The following DTWD2 variants were observed in gnomAD, a reference collection of about 807,000 sequenced individuals.
DTWD2 encodes the protein tRNA-uridine aminocarboxypropyltransferase 2.
Under a neutral mutation model 31.8 loss-of-function variants are expected in DTWD2, and 39 were observed. The ratio of observed to expected loss-of-function variants is 1.22; its 90% CI spans 0.95 to 1.60. The LOEUF (loss-of-function observed/expected upper bound fraction) is 1.60, where lower values mean the gene tolerates loss of function less well. DTWD2 is among the 40% of genes most tolerant of loss of function. The probability of loss-of-function intolerance (pLI) is 0.00; values close to 1 mark genes in which losing one functional copy is unlikely to be tolerated. For missense variants in DTWD2, 515 were observed against 381.5 expected, an observed-to-expected ratio of 1.35 and a Z score of -2.92; for synonymous variants, 180 against 142.8, an observed-to-expected ratio of 1.26 and a Z score of -1.86.
At chr5:118,898,065 G>A (rs955579684) in intron 4 of DTWD2, among the ~76,000 whole-genome samples, 16 of 151,470 alleles carry the variant, frequency 1.1e-4, no homozygotes, top group Admixed American at 3.3e-4. Context: ...GGTTTTTGCC[G>A]TGTTGCCCAG....
At chr5:118,865,032 AAC>A (rs1191903530) in intron 4 of DTWD2, among the ~76,000 whole-genome samples, 1 of 151,924 alleles carries the variant, frequency 6.6e-6, no homozygotes, top group Non-Finnish European at 1.5e-5. Context: ...CACACACACA[AAC>A]ACACACACAG....
At chr5:118,967,633 T>C (rs529486165) in intron 1 of DTWD2, among the ~76,000 whole-genome samples, 49 of 152,134 alleles carry the variant, frequency 3.2e-4, no homozygotes, top group Admixed American at 1.1e-3. Flanking sequence ...AAAAATAGTA[T>C]TGGATTATAA....
chr5:118,855,257 A>T (rs1752104792), intron 4 of DTWD2, among the ~76,000 whole-genome samples: 1 of 144,850 alleles, frequency 6.9e-6, no homozygotes, highest in African/African-American at 2.5e-5. Flanking sequence ...TTTTACCGCA[A>T]CTTCTTGTAA....
intron 1 of DTWD2, among the ~76,000 whole-genome samples, chr5:118,970,910 A>C (rs1215389752): frequency 6.6e-6 from 1 of 152,172 alleles, no homozygotes; most frequent in African/African-American, 2.4e-5. Context: ...AGGGAGAAAT[A>C]AGATCCTTTT....
intron 1 of DTWD2, chr5:118,974,223 T>G: frequency 8.9e-7 from 1 of 1,122,596 alleles, no homozygotes; most frequent in Non-Finnish European, 1.3e-6. Flanking sequence ...CACCTTCGAG[T>G]AGAGAGGCCC....
At chr5:118,866,424 AC>A (rs1752382184) in intron 4 of DTWD2, among the ~76,000 whole-genome samples, 1 of 152,220 alleles carries the variant, frequency 6.6e-6, no homozygotes, top group Admixed American at 6.5e-5. Flanking sequence ...TCATAATAAC[AC>A]TGATGCAAAA....
intron 2 of DTWD2, among the ~76,000 whole-genome samples, chr5:118,942,868 T>C (rs1580425807): frequency 6.6e-6 from 1 of 151,798 alleles, no homozygotes; most frequent in African/African-American, 2.4e-5. Context: ...AATGTCACAA[T>C]CATAGCTCAT....
intron 4 of DTWD2, among the ~76,000 whole-genome samples, chr5:118,879,857 G>C (rs1752702700): frequency 1.3e-5 from 2 of 151,932 alleles, no homozygotes; most frequent in African/African-American, 2.4e-5. Flanking sequence ...ATGAATACTA[G>C]GATTAATATC....
intron 4 of DTWD2, among the ~76,000 whole-genome samples, chr5:118,917,967 A>C (rs1448036445): frequency 1.3e-5 from 2 of 152,032 alleles, no homozygotes; most frequent in Non-Finnish European, 2.9e-5. Context: ...TCTCAAAAAA[A>C]AAAAACCATC....
intron 1 of DTWD2, among the ~76,000 whole-genome samples, chr5:118,947,985 T>C (rs1048009560): frequency 6.6e-6 from 1 of 152,200 alleles, no homozygotes; most frequent in African/African-American, 2.4e-5. Context: ...AAATGTTGCA[T>C]AACACATTTG....
intron 4 of DTWD2, among the ~76,000 whole-genome samples, chr5:118,920,211 A>G (rs367758389): frequency 6.6e-6 from 1 of 152,144 alleles, no homozygotes; most frequent in Admixed American, 6.5e-5. Context: ...GCCAACTAAG[A>G]CATATCTACA....
At position 118,836,166 on chromosome 5, in the gene DTWD2, T is replaced by TA. The variant is rs1201652346; in HGVS notation, c.*4750dup. Among the ~76,000 whole-genome samples, 12 of 152,306 alleles carry TA rather than the reference T, an allele frequency of 7.9e-5. No individual in the cohort carries two copies. Among genetic ancestry groups the TA allele is most frequent in the African/African-American group, 2.6e-4 (11 of 41,564 alleles). The stretch of plus-strand genomic sequence containing the variant: ...AAATTTCTTATTCGAATAATTTTTT[T>TA]AAAAAACCTTACATTAAAAAGTTTC... On this transcript the variant is annotated 3_prime_UTR_variant, in exon 6 of 6. Coordinates refer to ENST00000510708, the MANE Select transcript of DTWD2 (RefSeq NM_173666.4).
intron 4 of DTWD2, among the ~76,000 whole-genome samples, chr5:118,861,809 A>C (rs1334823930): frequency 6.6e-6 from 1 of 152,222 alleles, no homozygotes; most frequent in African/African-American, 2.4e-5. Flanking sequence ...AAAAGAAAAT[A>C]AAATGGACTG....
rs746187223 is a variant in DTWD2, at chr5:118,988,539, T to C, written c.-28A>G. ...CGGACACTCCGGTCAGGCCGTGGCA[T>C]TGAAGCCCGGCTGCCGCCGGGGGGC... On this transcript the variant is annotated 5_prime_UTR_variant, in exon 1 of 6. An upstream start codon of the reference 5' UTR is lost. Coordinates refer to ENST00000510708, the MANE Select transcript of DTWD2 (RefSeq NM_173666.4). 12 of 1,485,920 alleles carry C rather than the reference T, an allele frequency of 8.1e-6. No individual in the cohort carries two copies. In the South Asian group the frequency reaches 9.3e-5, roughly 12 times the overall value. 92.0% of individuals were successfully genotyped at this position (1,485,920 alleles called of 1,614,324 possible).
At chr5:118,850,649 A>G (rs1751979708) in intron 4 of DTWD2, among the ~76,000 whole-genome samples, 2 of 152,058 alleles carry the variant, frequency 1.3e-5, no homozygotes, top group Admixed American at 1.3e-4. Flanking sequence ...CTGCTACAAA[A>G]GCAAGAGTTG....
chr5:118,906,327 G>A (rs1401258727), intron 4 of DTWD2, among the ~76,000 whole-genome samples: 2 of 152,036 alleles, frequency 1.3e-5, no homozygotes, highest in East Asian at 3.8e-4. Context: ...CCACAGAATT[G>A]AGCCATTCTA....
intron 4 of DTWD2, among the ~76,000 whole-genome samples, chr5:118,907,658 G>A (rs562124930): frequency 2.0e-5 from 3 of 152,026 alleles, no homozygotes; most frequent in African/African-American, 4.8e-5. Context: ...TTGAACCTGA[G>A]AGGCGAAGAC....
At chr5:118,917,561 C>T (rs1753606824) in intron 4 of DTWD2, among the ~76,000 whole-genome samples, 1 of 152,200 alleles carries the variant, frequency 6.6e-6, no homozygotes, top group African/African-American at 2.4e-5. Context: ...CATAGTTCCA[C>T]AGGGCTCCGG....
intron 1 of DTWD2, among the ~76,000 whole-genome samples, chr5:118,971,213 C>T (rs927384881): frequency 3.9e-5 from 6 of 152,126 alleles, no homozygotes; most frequent in African/African-American, 1.4e-4. Flanking sequence ...AGTCAAGATC[C>T]ATCTGTATGC....
Sources: allele counts gnomAD v4.1 joint callset (sites outside exome capture counted in the v4.1 genomes callset), GRCh38; gene constraint gnomAD v4.1.1; transcripts MANE v1.5; gene names NCBI Gene and HGNC (gene_info 2026-07-23, HGNC 2026-07-21).